KAZN: variants seen among roughly 807,000 people sequenced by gnomAD.
KAZN encodes the protein kazrin, periplakin interacting protein.
KAZN carries 40 observed loss-of-function variants against 87.4 expected under a neutral mutation model. That is an observed-to-expected ratio of 0.46 (90% CI 0.36 to 0.60). The LOEUF (loss-of-function observed/expected upper bound fraction) is 0.60. Ranked by LOEUF, KAZN falls within the 20% of genes least tolerant of loss-of-function variation. The pLI, the probability that KAZN is intolerant of heterozygous loss-of-function variation, is 0.00. For synonymous variants in KAZN, 466 were observed against 458.3 expected, an observed-to-expected ratio of 1.02 and a Z score of -0.22; for missense variants, 898 against 1,073.9, an observed-to-expected ratio of 0.84 and a Z score of 2.29.
chr1:14,641,882 G>A (rs1190214972), intron 1 of KAZN, among the ~76,000 whole-genome samples: 6 of 152,194 alleles, frequency 3.9e-5, no homozygotes, highest in African/African-American at 1.4e-4. Flanking sequence ...GAAGCAACAA[G>A]CTACAAACTG....
intron 1 of KAZN, among the ~76,000 whole-genome samples, chr1:14,154,170 A>G (rs1645538168): frequency 6.6e-6 from 1 of 151,976 alleles, no homozygotes; most frequent in Non-Finnish European, 1.5e-5. Flanking sequence ...ATCCTCTTCA[A>G]TTTCTTTCGT....
At chr1:14,015,762 C>T (rs978458383) in intron 1 of KAZN, among the ~76,000 whole-genome samples, 3 of 151,438 alleles carry the variant, frequency 2.0e-5, no homozygotes, top group Admixed American at 1.3e-4. Context: ...AATACATCTA[C>T]ACTTTTATGC....
intron 1 of KAZN, among the ~76,000 whole-genome samples, chr1:14,920,135 T>C (rs1308449621): frequency 6.6e-6 from 1 of 152,186 alleles, no homozygotes; most frequent in African/African-American, 2.4e-5. Flanking sequence ...ATGGGGTCTC[T>C]TAATACCATG....
At chr1:14,738,057 C>T (rs1196009670) in intron 1 of KAZN, among the ~76,000 whole-genome samples, 3 of 152,316 alleles carry the variant, frequency 2.0e-5, no homozygotes, top group East Asian at 3.9e-4. Context: ...TAGAATTCTA[C>T]CTACTGCCCT....
intron 1 of KAZN, among the ~76,000 whole-genome samples, chr1:14,846,623 A>C (rs1648802142): frequency 2.6e-5 from 4 of 152,232 alleles, no homozygotes; most frequent in Admixed American, 2.6e-4. Flanking sequence ...TACACAGTGC[A>C]CTACAGTTTA....
intron 2 of KAZN, among the ~76,000 whole-genome samples, chr1:14,417,099 G>A (rs1256648732): frequency 6.6e-6 from 1 of 151,542 alleles, no homozygotes; most frequent in African/African-American, 2.4e-5. Context: ...GGCTGAGGTG[G>A]GAGAATAGCT....
intron 2 of KAZN, among the ~76,000 whole-genome samples, chr1:14,267,359 C>CAAAA (rs61641430): frequency 6.2e-5 from 4 of 64,734 alleles, no homozygotes; most frequent in Non-Finnish European, 1.0e-4. Context: ...AGCCGATAAG[C>CAAAA]AAAAAAAAAA....
intron 1 of KAZN, among the ~76,000 whole-genome samples, chr1:14,166,421 G>A (rs564326870): frequency 6.6e-6 from 1 of 152,344 alleles, no homozygotes; most frequent in South Asian, 2.1e-4. Context: ...TTGATTGCCT[G>A]TGTGACCTTG....
chr1:14,258,200 TTC>T (rs1230009183), intron 2 of KAZN, among the ~76,000 whole-genome samples: 2 of 109,448 alleles, frequency 1.8e-5, no homozygotes, highest in Non-Finnish European at 3.5e-5. Context: ...TCAAGATTCT[TTC>T]TTTCTTTCTT....
intron 2 of KAZN, among the ~76,000 whole-genome samples, chr1:14,327,181 G>T (rs537395730): frequency 6.6e-6 from 1 of 152,250 alleles, no homozygotes; most frequent in African/African-American, 2.4e-5. Context: ...CTCAAGGGTT[G>T]ATTTTCTTTT....
chr1:14,449,069 C>T lies in KAZN; in HGVS notation c.250-149914C>T, dbSNP rs867630449. ...ACATGGTCCACGACAATGTTGATGA[C>T]TATGTGGGTTGTAAGTAACAGAAAT... On this transcript the variant is annotated intron_variant, in intron 2 of 16. Coordinates refer to the KAZN transcript ENST00000636203. 1.3e-4 allele frequency among the ~76,000 whole-genome samples: 20 copies of T among 152,288 alleles called. No individual in the cohort carries two copies. The Middle Eastern group carries it at 0.01, about 78-fold the overall frequency.
intron 2 of KAZN, among the ~76,000 whole-genome samples, chr1:14,375,499 T>C (rs1660824780): frequency 6.6e-6 from 1 of 152,188 alleles, no homozygotes; most frequent in Non-Finnish European, 1.5e-5. Context: ...AAGATGCTCA[T>C]ACTAAGAGGC....
chr1:14,183,888 G>A (rs1646250718), intron 2 of KAZN, among the ~76,000 whole-genome samples: 1 of 149,160 alleles, frequency 6.7e-6, no homozygotes, highest in Non-Finnish European at 1.5e-5. Flanking sequence ...GGCTGAGGGA[G>A]AGTCTGTGCT....
chr1:14,720,741 G>A (rs998199319), intron 1 of KAZN, among the ~76,000 whole-genome samples: 1 of 151,974 alleles, frequency 6.6e-6, no homozygotes, highest in African/African-American at 2.4e-5. Flanking sequence ...TTTTGAGATG[G>A]AGTCTCACTC....
chr1:14,083,678 T>C (rs912768974), intron 1 of KAZN, among the ~76,000 whole-genome samples: 20 of 152,342 alleles, frequency 1.3e-4, no homozygotes, highest in Admixed American at 1.2e-3. Context: ...GAAGCCAATA[T>C]GTGTAAACAT....
At chr1:14,369,059 T>C (rs76299990) in intron 2 of KAZN, among the ~76,000 whole-genome samples, 4,571 of 152,294 alleles carry the variant, frequency 0.03, 205 homozygotes, top group African/African-American at 0.1. Flanking sequence ...TGACTTTCAT[T>C]AGCTCACTAG....
chr1:14,295,932 C>G lies in KAZN; in HGVS notation c.249+115340C>G, dbSNP rs16853889. ...GCATAGGAACTACATTGGCATCACCCAGCGCACTGTGGATTGCCCAGTTTG... is the reference window on the plus strand; with the variant it reads ...GCATAGGAACTACATTGGCATCACCGAGCGCACTGTGGATTGCCCAGTTTG... On this transcript the variant is annotated intron_variant, in intron 2 of 16. Transcript: ENST00000636203. Among the ~76,000 whole-genome samples, 120 of 152,284 alleles carry G rather than the reference C, an allele frequency of 7.9e-4. 2 individuals carry two copies. The East Asian group carries it at 0.023, about 29-fold the overall frequency.
intron 2 of KAZN, among the ~76,000 whole-genome samples, chr1:14,504,533 G>A (rs967134691): frequency 2.6e-5 from 4 of 152,188 alleles, no homozygotes; most frequent in East Asian, 1.9e-4. Context: ...GGTGCAACAC[G>A]GAGTGGAAGC....
At position 14,203,908 on chromosome 1, in the gene KAZN, G is replaced by A. The variant is rs932662840; in HGVS notation, c.249+23316G>A. ...CCATTATGGTCAGCCTCCTGTCACCGTGGGAAATGGATGGCCTCTCCTTAG... is the reference window on the plus strand; with the variant it reads ...CCATTATGGTCAGCCTCCTGTCACCATGGGAAATGGATGGCCTCTCCTTAG... On this transcript the variant is annotated intron_variant, in intron 2 of 16. Coordinates refer to the KAZN transcript ENST00000636203. 1.4e-4 allele frequency among the ~76,000 whole-genome samples: 22 copies of A among 152,298 alleles called. 1 individual carries two copies. The highest frequency in any genetic ancestry group is 8.3e-4 in the South Asian group (4 of 4,826).
Sources: allele counts gnomAD v4.1 joint callset (sites outside exome capture counted in the v4.1 genomes callset), GRCh38; gene constraint gnomAD v4.1.1; transcripts MANE v1.5; gene names NCBI Gene and HGNC (gene_info 2026-07-23, HGNC 2026-07-21).